EOLA1: variants seen among roughly 807,000 people sequenced by gnomAD.
EOLA1 encodes the protein protein EOLA1.
EOLA1 carries 1 observed loss-of-function variant against 4.5 expected under a neutral mutation model. The ratio of observed to expected loss-of-function variants is 0.22; its 90% CI spans 0.08 to 1.05. EOLA1 has a LOEUF of 1.05. Among genes scored for constraint, EOLA1 ranks in the 50% least tolerant of loss-of-function variants. EOLA1 has a pLI of 0.57. For synonymous variants in EOLA1, 37 were observed against 52.3 expected (o/e 0.71, Z 1.26); for missense variants, 69 against 127.2 (o/e 0.54, Z 2.20).
chrX:149,547,990 C>T lies in EOLA1; in HGVS notation c.*1028C>T, dbSNP rs782379100. Among the ~76,000 whole-genome samples the T allele has an allele frequency of 4.7e-4, 47 of 99,497 alleles. No individual in the cohort carries two copies. The highest frequency in any genetic ancestry group is 1.6e-3 in the African/African-American group (41 of 26,044). The allele number at this position is 99,497 out of a possible 115,157, so 86.4% of individuals were successfully genotyped here. ...TGCCGGAATCAGGCGTCTATTCTTT[C>T]TCCTGACCAGCAGGCCAATCTCAGG... On this transcript the variant is annotated 3_prime_UTR_variant, in exon 5 of 5. Coordinates refer to ENST00000393985, the MANE Select transcript of EOLA1 (RefSeq NM_001171907.3).
At position 149,547,669 on chromosome X, in the gene EOLA1, T is replaced by C. The variant is rs1468119855; in HGVS notation, c.*707T>C. ...AATGTGATCAGTAGTGTTGTTTTAT[T>C]TTGTAGTAATTTTTTTTTTTTTTTG... On this transcript the variant is annotated 3_prime_UTR_variant, in exon 5 of 5. Transcript: ENST00000393985. 1 of 704,720 alleles carries C rather than the reference T, an allele frequency of 1.4e-6. No homozygotes were observed. Among genetic ancestry groups the C allele is most frequent in the Admixed American group, 1.2e-4 (1 of 8,606 alleles). 58.1% of individuals were successfully genotyped at this position (704,720 alleles called of 1,213,427 possible).
At position 149,547,706 on chromosome X, in the gene EOLA1, A is replaced by G. The variant is rs1365305927; in HGVS notation, c.*744A>G. 1.4e-6 allele frequency: 1 copy of G among 696,618 alleles called. No homozygotes were observed. Among genetic ancestry groups the G allele is most frequent in the African/African-American group, 2.6e-5 (1 of 39,173 alleles). 57.4% of individuals were successfully genotyped at this position (696,618 alleles called of 1,213,427 possible). The stretch of plus-strand genomic sequence containing the variant: ...TTTTTTTTTTTTTGGTGATTTAGCA[A>G]AGTTTCTAGTTGTTATCCATGAGGA... On this transcript the variant is annotated 3_prime_UTR_variant, in exon 5 of 5. Transcript: ENST00000393985.
Position 149,545,481 on chromosome X carries a change from G to A in EOLA1, c.-49G>A, listed in dbSNP as rs1175232532. ...GTGGTGCTGGACATCAGTGACAGAC[G>A]GAAGCAGGAGACCATCAAGGTCAGT... On this transcript the variant is annotated 5_prime_UTR_variant, in exon 3 of 5. Coordinates refer to ENST00000393985, the MANE Select transcript of EOLA1 (RefSeq NM_001171907.3). The A allele has an allele frequency of 6.3e-6, 7 of 1,110,910 alleles. No homozygotes were observed. Among genetic ancestry groups the A allele is most frequent in the South Asian group, 4.6e-5 (2 of 43,822 alleles). 91.6% of individuals were successfully genotyped at this position (1,110,910 alleles called of 1,213,427 possible).
At chrX:149,540,845 G>A (rs1272788960), upstream of EOLA1, 1 of 112,638 alleles carries the variant, frequency 8.9e-6, no homozygotes, top group Non-Finnish European at 1.9e-5. Context: ...GCGTACGTGC[G>A]TGATGTCGTC....
rs1557347623 is a variant in EOLA1, at chrX:149,545,729, C to T, written c.99C>T (p.Ser33=). ...CGCGCTGGCGTCCCCTGCTGAGCAGCCAGCGGAACTGTACCATCGCCGTCC... is the reference window on the plus strand; with the variant it reads ...CGCGCTGGCGTCCCCTGCTGAGCAGTCAGCGGAACTGTACCATCGCCGTCC... The part of the protein sequence containing the change: ...VETRWRPLLS[S]QRNCTIAVHI... The change falls in exon 4 of 5, where the codon AGC becomes AGT. Residue 33 remains serine (S), a synonymous_variant. Transcript: ENST00000393985. 8.3e-7 allele frequency: 1 copy of T among 1,212,064 alleles called. No individual in the cohort carries two copies. Among genetic ancestry groups the T allele is most frequent in the Non-Finnish European group, 1.1e-6 (1 of 895,453 alleles).
At chrX:149,549,241 C>T (rs1445661254), downstream of EOLA1, 45 of 1,060,948 alleles carry the variant, frequency 4.2e-5, no homozygotes, top group Non-Finnish European at 5.0e-5. Context: ...TTTCAATAAA[C>T]AATATTTCAC....
intron 2 of EOLA1, chrX:149,544,840 G>C: frequency 9.3e-6 from 7 of 754,141 alleles, no homozygotes; most frequent in Non-Finnish European, 1.1e-5. Context: ...TCAATTTGAT[G>C]ATCCGAGGAT....
At chrX:149,548,333 G>A (rs781852979), downstream of EOLA1, 8 of 930,334 alleles carry the variant, frequency 8.6e-6, no homozygotes, top group South Asian at 3.6e-4. Flanking sequence ...GTGACTTCAC[G>A]AATTTGCAGT....
At chrX:149,540,794 G>A (rs1305512025), upstream of EOLA1, 1 of 112,117 alleles carries the variant, frequency 8.9e-6, no homozygotes, top group African/African-American at 3.3e-5. Flanking sequence ...CGCGCATCAG[G>A]GCCAGGTAAA....
downstream of EOLA1, chrX:149,549,306 G>T: frequency 9.1e-7 from 1 of 1,098,392 alleles, no homozygotes; most frequent in South Asian, 2.3e-5. Flanking sequence ...ATTCAAATTG[G>T]TGTCCTATGA....
intron 2 of EOLA1, among the ~76,000 whole-genome samples, chrX:149,543,412 G>C (rs1377335042): frequency 5.4e-5 from 5 of 92,803 alleles, no homozygotes; most frequent in African/African-American, 2.2e-4. Flanking sequence ...TTCAGTAGAG[G>C]AGTGACATAA....
In EOLA1 at chrX:149,542,794, A is replaced by T. The variant is rs781807357; in HGVS notation, c.-163+709A>T. ...CAAAGGACCATAAAAGGGCTGGCTTAAAGAACAGACAATCATTGTCTCGCA... is the reference window on the plus strand; with the variant it reads ...CAAAGGACCATAAAAGGGCTGGCTTTAAGAACAGACAATCATTGTCTCGCA... On this transcript the variant is annotated intron_variant, in intron 2 of 4. Transcript: ENST00000393985. Among the ~76,000 whole-genome samples, 290 of 110,241 alleles carry T rather than the reference A, an allele frequency of 2.6e-3. 1 individual carries two copies. The highest frequency in any genetic ancestry group is 2.4e-3 in the Non-Finnish European group (126 of 52,920).
intron 1 of EOLA1, 72 bp from the exon 2 acceptor site, chrX:149,541,944 CCTT>C: frequency 8.0e-6 from 5 of 627,451 alleles, no homozygotes; most frequent in South Asian, 8.2e-5. Context: ...AAGTACATGA[CCTT>C]CTTAGGGCCA....
downstream of EOLA1, chrX:149,548,625 G>A (rs1192401540): frequency 3.6e-6 from 3 of 831,298 alleles, no homozygotes; most frequent in Admixed American, 7.3e-5. Context: ...CCATTTCCCA[G>A]GGGATGCCTA....
At chrX:149,544,757 G>T in intron 2 of EOLA1, 1 of 750,370 alleles carries the variant, frequency 1.3e-6, no homozygotes, top group Non-Finnish European at 1.6e-6. Flanking sequence ...GTGACTGTGG[G>T]CTGGTGCCTC....
In EOLA1 at chrX:149,545,515, G is replaced by C; in HGVS notation, c.-30+15G>C. The C allele has an allele frequency of 2.6e-6, 3 of 1,147,248 alleles. No homozygotes were observed. Among genetic ancestry groups the C allele is most frequent in the Non-Finnish European group, 3.5e-6 (3 of 861,971 alleles). 94.5% of individuals were successfully genotyped at this position (1,147,248 alleles called of 1,213,427 possible). A position where few individuals can be genotyped will look rare whatever the true frequency, so the allele number is the denominator to read the frequency against. On this transcript the variant is annotated intron_variant, in intron 3 of 4. Coordinates refer to ENST00000393985, the MANE Select transcript of EOLA1 (RefSeq NM_001171907.3). ...AGACCATCAAGGTCAGTGCGATTTA[G>C]GCCACCTGAGAGACACGGGGGGAAG... is the stretch of plus-strand genomic sequence containing the variant.
intron 2 of EOLA1, chrX:149,544,482 C>G (rs2089797212): frequency 3.1e-5 from 23 of 749,173 alleles, no homozygotes; most frequent in Non-Finnish European, 3.6e-5. Flanking sequence ...GGGCCACGGG[C>G]CTGAGGGGTG....
At chrX:149,542,282 G>A (rs2089744614) in intron 2 of EOLA1, among the ~76,000 whole-genome samples, 197 bp downstream of exon 2, 1 of 111,618 alleles carries the variant, frequency 9.0e-6, no homozygotes, top group Non-Finnish European at 1.9e-5. Flanking sequence ...AGGCCCTGTG[G>A]GGGACATTCA....
Position 149,544,524 on chromosome X carries a change from G to C in EOLA1, c.-162-844G>C, listed in dbSNP as rs1291007515. On this transcript the variant is annotated intron_variant, in intron 2 of 4. Coordinates refer to ENST00000393985, the MANE Select transcript of EOLA1 (RefSeq NM_001171907.3). Reference sequence around the variant, plus strand: ...GCCACTATTTCTGACTGTTCTATTAGGTGCCACGTACTGGGCTGGGTGCTC... The same window carrying C: ...GCCACTATTTCTGACTGTTCTATTACGTGCCACGTACTGGGCTGGGTGCTC... The C allele has an allele frequency of 1.3e-5, 10 of 750,697 alleles. No homozygotes were observed. In the African/African-American group the frequency reaches 2.4e-4, roughly 18 times the overall value. 61.9% of individuals were successfully genotyped at this position (750,697 alleles called of 1,213,427 possible). A position where few individuals can be genotyped will look rare whatever the true frequency, so the allele number is the denominator to read the frequency against.
Sources: gnomAD v4.1 joint callset for allele counts (sites outside exome capture counted in the v4.1 genomes callset) on GRCh38, gnomAD v4.1.1 for gene constraint, MANE v1.5 for transcripts, NCBI Gene and HGNC (gene_info 2026-07-23, HGNC 2026-07-21) for gene names.